The following SLC22A24 variants were observed in gnomAD, a reference collection of about 807,000 sequenced individuals.
SLC22A24 encodes the protein solute carrier family 22 member 24.
In SLC22A24, 53 loss-of-function variants were observed where a neutral mutation model predicts 49.8. That is an observed-to-expected ratio of 1.06 (90% confidence interval 0.85 to 1.34). The LOEUF is 1.34. SLC22A24 is among the 40% of genes most tolerant of loss of function. The pLI, the probability that SLC22A24 is intolerant of heterozygous loss-of-function variation, is 0.00. For synonymous variants in SLC22A24, 302 were observed against 256.4 expected (o/e 1.18, Z -1.70); for missense variants, 786 against 675.9 (o/e 1.16, Z -1.81).
intron 1 of SLC22A24, chr11:63,137,976 A>AT (rs570358070): frequency 1.0e-4 from 16 of 152,462 alleles, no homozygotes; most frequent in Non-Finnish European, 2.4e-4. Flanking sequence ...GGTTTGATTA[A>AT]TAAAAAAAGG....
chr11:63,106,177 C>T (rs866011520), intron 4 of SLC22A24, among the ~76,000 whole-genome samples: 78 of 147,824 alleles, frequency 5.3e-4, no homozygotes, highest in African/African-American at 1.7e-3. Flanking sequence ...TGAGAACATG[C>T]GGTGTTTGGT....
intron 2 of SLC22A24, among the ~76,000 whole-genome samples, chr11:63,121,462 T>G (rs1274856590): frequency 6.6e-6 from 1 of 152,016 alleles, no homozygotes; most frequent in Non-Finnish European, 1.5e-5. Context: ...TATGAAATAG[T>G]TTGAAGCAGC....
At chr11:63,104,080 A>C (rs2087106226) in intron 5 of SLC22A24, 95 bp downstream of exon 5, 1 of 1,275,626 alleles carries the variant, frequency 7.8e-7, no homozygotes, top group Non-Finnish European at 1.1e-6. Context: ...CCACTCACAG[A>C]AGTCTAATTC....
chr11:63,115,098 G>T (rs1198278807), intron 4 of SLC22A24, among the ~76,000 whole-genome samples: 2 of 152,224 alleles, frequency 1.3e-5, no homozygotes, highest in Non-Finnish European at 2.9e-5. Context: ...TCTCTTCAAA[G>T]CTGTCAGACA....
At chr11:63,093,002 C>T (rs1025641390) in intron 6 of SLC22A24, among the ~76,000 whole-genome samples, 1 of 151,260 alleles carries the variant, frequency 6.6e-6, no homozygotes, top group Non-Finnish European at 1.5e-5. Context: ...TACAAGAAAA[C>T]AAACAACCCC....
chr11:63,095,197 G>A (rs2087046406), intron 6 of SLC22A24, among the ~76,000 whole-genome samples: 1 of 152,002 alleles, frequency 6.6e-6, no homozygotes, highest in Non-Finnish European at 1.5e-5. Context: ...TCTACATATG[G>A]CTAGCCAGTT....
intron 1 of SLC22A24, chr11:63,138,018 T>A (rs1265673675): frequency 6.5e-6 from 1 of 152,880 alleles, no homozygotes; most frequent in Admixed American, 6.5e-5. Flanking sequence ...CTGTAGCATA[T>A]CTGGTATAGT....
At chr11:63,132,716 G>A (rs142394620) in intron 2 of SLC22A24, among the ~76,000 whole-genome samples, 74 of 152,214 alleles carry the variant, frequency 4.9e-4, no homozygotes, top group African/African-American at 1.7e-3. Flanking sequence ...GGTGTCTGTC[G>A]GCCCCTACTG....
At chr11:63,119,149 G>T (rs149876412) in intron 3 of SLC22A24, 32 bp downstream of exon 3, 17 of 1,529,160 alleles carry the variant, frequency 1.1e-5, no homozygotes, top group Non-Finnish European at 1.5e-5. Context: ...TCAAGACATG[G>T]AGATGATAAA....
chr11:63,088,233 G>T (rs1289551052), intron 6 of SLC22A24, among the ~76,000 whole-genome samples: 1 of 152,162 alleles, frequency 6.6e-6, no homozygotes, highest in Non-Finnish European at 1.5e-5. Flanking sequence ...GAAGAAGCAG[G>T]CAGCAATCTT....
In SLC22A24 at chr11:63,080,952, A is replaced by G; in HGVS notation, c.1566T>C (p.Pro522=). The change falls in exon 9 of 10, where the codon CCT becomes CCC. Residue 522 remains proline, a synonymous_variant. Transcript: ENST00000612278. ...ILLLPETRDL[P]LPNTIQDVEN... is the part of the protein sequence containing the mutation. ...CCACATCCTGGATGGTGTTAGGAAG[A>G]GGTAGATCCCTGGTTTCTGGAAGGA... 1 of 1,552,350 alleles carries G rather than the reference A, an allele frequency of 6.4e-7. No individual in the cohort carries two copies. Among genetic ancestry groups the G allele is most frequent in the Admixed American group, 2.0e-5 (1 of 51,064 alleles).
chr11:63,130,741 G>A (rs2087328487), intron 2 of SLC22A24, among the ~76,000 whole-genome samples: 1 of 152,114 alleles, frequency 6.6e-6, no homozygotes, highest in South Asian at 2.1e-4. Context: ...ATTTCTTCTA[G>A]ATTTTCTAGT....
chr11:63,094,417 T>C (rs937298884), intron 6 of SLC22A24, among the ~76,000 whole-genome samples: 1 of 152,128 alleles, frequency 6.6e-6, no homozygotes, highest in East Asian at 1.9e-4. Flanking sequence ...TCTTTGCTAT[T>C]GTGAATAGTG....
intron 4 of SLC22A24, among the ~76,000 whole-genome samples, chr11:63,115,149 C>T (rs1016886665): frequency 1.3e-4 from 20 of 152,230 alleles, no homozygotes; most frequent in Non-Finnish European, 2.8e-4. Flanking sequence ...GCCTTTTGTT[C>T]ATCTATGCCC....
intron 5 of SLC22A24, 138 bp downstream of exon 5, chr11:63,104,037 A>G: frequency 4.1e-6 from 3 of 728,152 alleles, no homozygotes; most frequent in Non-Finnish European, 6.4e-6. Flanking sequence ...GAGGAAAGAT[A>G]TATATATTTT....
chr11:63,105,242 A>C (rs2087113636), intron 4 of SLC22A24, among the ~76,000 whole-genome samples: 1 of 152,042 alleles, frequency 6.6e-6, no homozygotes, highest in South Asian at 2.1e-4. Context: ...TGGCTTTTCC[A>C]GGCAAATGGT....
intron 2 of SLC22A24, among the ~76,000 whole-genome samples, chr11:63,121,330 A>G (rs2087250271): frequency 6.6e-6 from 1 of 152,196 alleles, no homozygotes. Context: ...TTCTCATAGT[A>G]AAGAAACACA....
chr11:63,086,683 T>A (rs1447543525), intron 6 of SLC22A24, among the ~76,000 whole-genome samples: 4 of 152,118 alleles, frequency 2.6e-5, no homozygotes, highest in African/African-American at 9.7e-5. Flanking sequence ...AAGCACAACA[T>A]TTATCCAAAA....
In SLC22A24 at chr11:63,143,413, CG is replaced by C. The variant is rs1565047725; in HGVS notation, c.366del (p.Tyr122Ter). On this transcript the variant is annotated frameshift_variant, in exon 1 of 10. Transcript: ENST00000612278. LOFTEE classifies it high-confidence loss of function. ...ATGGTGGAGAGGAAAGAGCTTCTGTCGTACACCCAGCCATCCACACAGGGCT... is the reference window on the plus strand; with the variant it reads ...ATGGTGGAGAGGAAAGAGCTTCTGTCTACACCCAGCCATCCACACAGGGCT... ...DTEPCVDGWV[Y>X]DRSSFLSTIV... The C allele has an allele frequency of 6.6e-7, 1 of 1,520,136 alleles. No individual in the cohort carries two copies. Among genetic ancestry groups the C allele is most frequent in the African/African-American group, 1.4e-5 (1 of 71,162 alleles). 94.2% of individuals were successfully genotyped at this position (1,520,136 alleles called of 1,614,324 possible). A position where few individuals can be genotyped will look rare whatever the true frequency, so the allele number is the denominator to read the frequency against.
Sources: allele counts gnomAD v4.1 joint callset (sites outside exome capture counted in the v4.1 genomes callset), GRCh38; gene constraint gnomAD v4.1.1; transcripts MANE v1.5; gene names NCBI Gene and HGNC (gene_info 2026-07-23, HGNC 2026-07-21).